The following DDX31 variants were observed in gnomAD, a reference collection of about 807,000 sequenced individuals.
The protein encoded by DDX31 is ATP-dependent DNA helicase DDX31.
In DDX31, 70 loss-of-function variants were observed where a neutral mutation model predicts 91.3. The observed-to-expected ratio is 0.77, with a 90% confidence interval of 0.63 to 0.94. DDX31 has a LOEUF of 0.94. Ranked by LOEUF, DDX31 falls within the 40% of genes least tolerant of loss-of-function variation. DDX31 has a pLI of 0.00. For synonymous variants in DDX31, 362 were observed against 350.6 expected (o/e 1.03, Z -0.36); for missense variants, 902 against 925.0 (o/e 0.98, Z 0.32).
At chr9:132,610,738 G>A (rs1015185010) in intron 19 of DDX31, among the ~76,000 whole-genome samples, 4 of 152,092 alleles carry the variant, frequency 2.6e-5, no homozygotes, top group African/African-American at 9.7e-5. Flanking sequence ...AAGGTGCTGG[G>A]ATTACAGGAA....
intron 19 of DDX31, among the ~76,000 whole-genome samples, chr9:132,606,107 G>A (rs1466735474): frequency 6.6e-6 from 1 of 152,220 alleles, no homozygotes; most frequent in Non-Finnish European, 1.5e-5. Context: ...ACTGACTCAG[G>A]TGCAGTGGAT....
Position 132,594,909 on chromosome 9 carries a change from T to G in DDX31, c.2198A>C (p.Gln733Pro), listed in dbSNP as rs1830357024. 1 of 1,614,134 alleles carries G rather than the reference T, an allele frequency of 6.2e-7. No individual in the cohort carries two copies. Among genetic ancestry groups the G allele is most frequent in the East Asian group, 2.2e-5 (1 of 44,894 alleles). ...RGKTLKWRKTQKGVQRDSKTS... is the reference protein window; with the variant it reads ...RGKTLKWRKTPKGVQRDSKTS... ...CTTGCTGTCCCGCTGTACACCTTTTTGGGTTTTTCTCCATTTTAATGTTTT... is the reference window on the plus strand; with the variant it reads ...CTTGCTGTCCCGCTGTACACCTTTTGGGGTTTTTCTCCATTTTAATGTTTT... The change falls in exon 20 of 20, where the codon CAA (glutamine) becomes CCA (proline). Residue 733 changes from glutamine to proline, a missense_variant. By Grantham distance (76) the Gln-to-Pro change is moderately conservative. Coordinates refer to ENST00000372159, the MANE Select transcript of DDX31 (RefSeq NM_022779.9).
At chr9:132,596,989 T>TTA (rs1830467311) in intron 19 of DDX31, among the ~76,000 whole-genome samples, 3 of 52,098 alleles carry the variant, frequency 5.8e-5, no homozygotes, top group African/African-American at 5.3e-4. Context: ...AGAATGGCAC[T>TTA]CAGGTGTGAG....
In DDX31 at chr9:132,643,400, T is replaced by C. The variant is rs1272076517; in HGVS notation, c.1381-1337A>G. Among the ~76,000 whole-genome samples the C allele has an allele frequency of 2.0e-5, 3 of 152,184 alleles. No homozygotes were observed. In the East Asian group the frequency reaches 5.8e-4, roughly 29 times the overall value. ...ACTCAAAATCTGGAAAAAAGTAAAG[T>C]CTCTGCCGCTTTGGCACAGTCACTA... On this transcript the variant is annotated intron_variant, in intron 13 of 19. Coordinates refer to ENST00000372159, the MANE Select transcript of DDX31 (RefSeq NM_022779.9).
At chr9:132,649,921 A>G (rs957309475) in intron 9 of DDX31, among the ~76,000 whole-genome samples, 1 of 152,268 alleles carries the variant, frequency 6.6e-6, no homozygotes, top group African/African-American at 2.4e-5. Context: ...ATGTCCACAA[A>G]AATGAGTGGC....
chr9:132,654,382 G>A lies in DDX31; in HGVS notation c.589-1890C>T, dbSNP rs184716634. On this transcript the variant is annotated intron_variant, in intron 6 of 19. Transcript: ENST00000372159. ...TCTCAGCACTTTGGGAGGCTGAGGT[G>A]GGTGGATTACTTGAGGTCAGGAGTT... Among the ~76,000 whole-genome samples, 1,103 of 152,270 alleles carry A rather than the reference G, an allele frequency of 7.2e-3. 4 individuals carry two copies. The highest frequency in any genetic ancestry group is 0.011 in the Non-Finnish European group (768 of 68,020).
rs1181457682 is a variant in DDX31 at position 132,647,025 on chromosome 9, T to A, written c.1001A>T (p.Asp334Val). The A allele has an allele frequency of 6.2e-7, 1 of 1,613,962 alleles. No homozygotes were observed. Among genetic ancestry groups the A allele is most frequent in the African/African-American group, 1.3e-5 (1 of 74,872 alleles). Residue 334 changes from aspartate to valine, a missense_variant, in exon 12 of 20, where the codon GAT becomes GTT. By Grantham distance (152) the Asp-to-Val change is radical (BLOSUM62 -3). Transcript: ENST00000372159. Reference sequence around the variant, plus strand: ...GTCCAGGACAGAAATACTGACTGGATCATGCAAACTGATATCAGCTAGCCG... The same window carrying A: ...GTCCAGGACAGAAATACTGACTGGAACATGCAAACTGATATCAGCTAGCCG... ...VTRLADISLH[D>V]PVSISVLDKS... is the part of the protein sequence containing the mutation.
Position 132,635,335 on chromosome 9 carries a change from C to T in DDX31, c.1441-3244G>A, listed in dbSNP as rs115033736. Among the ~76,000 whole-genome samples the T allele has an allele frequency of 5.8e-3, 881 of 152,190 alleles. 7 individuals are homozygous for T. Among genetic ancestry groups the T allele is most frequent in the African/African-American group, 0.02 (823 of 41,526 alleles). On this transcript the variant is annotated intron_variant, in intron 14 of 19. Coordinates refer to ENST00000372159, the MANE Select transcript of DDX31 (RefSeq NM_022779.9). ...TGATGGCCCTTGTCTGTACTGTTAC[C>T]TTGATGACTCTTTAAGTCTATCATT...
At chr9:132,652,638 T>C in intron 6 of DDX31, 146 bp from the exon 7 acceptor site, 1 of 992,028 alleles carries the variant, frequency 1.0e-6, no homozygotes, top group Non-Finnish European at 1.5e-6. Flanking sequence ...ACTGATGTGG[T>C]CTGGCTGTGC....
Position 132,632,454 on chromosome 9 carries a change from G to C in DDX31, c.1441-363C>G, listed in dbSNP as rs1417418316. Reference sequence around the variant, plus strand: ...ACAGGTTAGCCTAGGAACTTAAACAGTAATTATCAGTTGTGTAATGTAAAG... The same window carrying C: ...ACAGGTTAGCCTAGGAACTTAAACACTAATTATCAGTTGTGTAATGTAAAG... On this transcript the variant is annotated intron_variant, in intron 14 of 19. Transcript: ENST00000372159. Among the ~76,000 whole-genome samples the C allele has an allele frequency of 2.6e-5, 4 of 152,206 alleles. No individual in the cohort carries two copies. In the East Asian group the frequency reaches 7.7e-4, roughly 29 times the overall value.
intron 9 of DDX31, among the ~76,000 whole-genome samples, chr9:132,649,395 T>C (rs1187429183): frequency 6.6e-6 from 1 of 152,210 alleles, no homozygotes; most frequent in African/African-American, 2.4e-5. Flanking sequence ...AGAAATTAGA[T>C]GCAATGGTTG....
At chr9:132,630,235 C>T (rs1421715281) in intron 16 of DDX31, 29 bp downstream of exon 16, 3 of 1,557,666 alleles carry the variant, frequency 1.9e-6, no homozygotes, top group Non-Finnish European at 2.6e-6. Flanking sequence ...GTGAGACCAG[C>T]CGAAACCCCA....
chr9:132,637,121 C>A (rs1237520221), intron 14 of DDX31, among the ~76,000 whole-genome samples: 3 of 152,114 alleles, frequency 2.0e-5, no homozygotes, highest in Admixed American at 2.0e-4. Context: ...GTACTCTCCT[C>A]TTCCATCATA....
intron 1 of DDX31, chr9:132,663,477 C>A (rs1467316947): frequency 1.0e-6 from 1 of 985,308 alleles, no homozygotes; most frequent in Non-Finnish European, 1.2e-6. Flanking sequence ...ATTTCCATTA[C>A]AGGAATGTGC....
intron 14 of DDX31, among the ~76,000 whole-genome samples, chr9:132,636,799 G>C (rs1008552718): frequency 6.6e-6 from 1 of 152,168 alleles, no homozygotes; most frequent in Non-Finnish European, 1.5e-5. Context: ...AGTGAATAAG[G>C]AGAAAGAAAG....
chr9:132,606,627 A>G (rs1489524949), intron 19 of DDX31, among the ~76,000 whole-genome samples: 4 of 152,116 alleles, frequency 2.6e-5, no homozygotes, highest in Non-Finnish European at 4.4e-5. Context: ...CCCACAATCA[A>G]AGGGCGACTT....
At chr9:132,629,416 G>C (rs11243847) in intron 16 of DDX31, among the ~76,000 whole-genome samples, 10,238 of 152,270 alleles carry the variant, frequency 0.067, 488 homozygotes, top group Admixed American at 0.14. Context: ...GTTTTGAAAA[G>C]TCTTACTAGC....
chr9:132,618,382 T>C lies in DDX31; in HGVS notation c.1773A>G (p.Val591=), dbSNP rs1481650610. The change falls in exon 18 of 20, where the codon GTA becomes GTG. Residue 591 remains valine (V), a synonymous_variant. Coordinates refer to ENST00000372159, the MANE Select transcript of DDX31 (RefSeq NM_022779.9). ...CACTGGAGTGCACGTAATCTTCAAA[T>C]ACCGTCTGCAAGACTGTGGCTCGCT... ...IRERATVLQT[V]FEDYVHSSER... is the part of the protein sequence containing the mutation. The C allele has an allele frequency of 1.9e-6, 3 of 1,612,354 alleles. No homozygotes were observed. Among genetic ancestry groups the C allele is most frequent in the Admixed American group, 1.7e-5 (1 of 59,672 alleles).
intron 1 of DDX31, 44 bp downstream of exon 1, chr9:132,669,816 C>T (rs1172703133): frequency 5.2e-6 from 8 of 1,532,030 alleles, no homozygotes; most frequent in East Asian, 2.4e-5. Flanking sequence ...CGCCCACAGC[C>T]GGGCCGCGGG....
Sources: allele counts gnomAD v4.1 joint callset (sites outside exome capture counted in the v4.1 genomes callset), GRCh38; gene constraint gnomAD v4.1.1; transcripts MANE v1.5; gene names NCBI Gene and HGNC (gene_info 2026-07-23, HGNC 2026-07-21).